Variants in NEK6 observed in about 807,000 individuals in gnomAD.
NEK6 encodes the protein serine/threonine-protein kinase Nek6.
In NEK6, 27 loss-of-function variants were observed where a neutral mutation model predicts 43.5. That is an observed-to-expected ratio of 0.62 (90% CI 0.46 to 0.86). NEK6 has a LOEUF of 0.86. Ranked by LOEUF, NEK6 falls within the 40% of genes least tolerant of loss-of-function variation. The pLI is 0.00. For missense variants in NEK6, 318 were observed against 414.4 expected (o/e 0.77, Z 2.02); for synonymous variants, 167 against 164.1 (o/e 1.02, Z -0.14).
At chr9:124,288,998 T>C (rs888380547) in intron 1 of NEK6, among the ~76,000 whole-genome samples, 2 of 152,150 alleles carry the variant, frequency 1.3e-5, no homozygotes, top group Non-Finnish European at 2.9e-5. Context: ...TTTGTTTTTT[T>C]AGAAAGAGGG....
chr9:124,295,600 G>A (rs944770614), intron 1 of NEK6, among the ~76,000 whole-genome samples: 6 of 152,204 alleles, frequency 3.9e-5, no homozygotes, highest in African/African-American at 1.4e-4. Context: ...CACTCAACCT[G>A]TCTGAACTTT....
At chr9:124,292,875 A>G in intron 1 of NEK6, 1 of 1,461,716 alleles carries the variant, frequency 6.8e-7, no homozygotes, top group Non-Finnish European at 9.1e-7. Flanking sequence ...AATTAGAGAC[A>G]GCACGGGGGA....
intron 1 of NEK6, among the ~76,000 whole-genome samples, chr9:124,272,447 G>C (rs1225519969): frequency 1.3e-5 from 2 of 152,238 alleles, no homozygotes; most frequent in Non-Finnish European, 2.9e-5. Flanking sequence ...CTGGGACAGC[G>C]TGGTGGCCCA....
At chr9:124,282,685 A>G (rs1455515705) in intron 1 of NEK6, among the ~76,000 whole-genome samples, 1 of 151,896 alleles carries the variant, frequency 6.6e-6, no homozygotes, top group Non-Finnish European at 1.5e-5. Flanking sequence ...GATCCCCCTG[A>G]CTCTCTGCAT....
intron 1 of NEK6, among the ~76,000 whole-genome samples, chr9:124,296,345 G>A (rs1832688679): frequency 6.6e-6 from 1 of 152,232 alleles, no homozygotes; most frequent in South Asian, 2.1e-4. Flanking sequence ...CAGAGGAGGG[G>A]CCTTGCTCAG....
In NEK6 at chr9:124,332,450, A is replaced by G. The variant is rs1321367713; in HGVS notation, c.622+5005A>G. 2.0e-5 allele frequency among the ~76,000 whole-genome samples: 3 copies of G among 152,332 alleles called. No homozygotes were observed. The East Asian group carries it at 5.8e-4, about 29-fold the overall frequency. On this transcript the variant is annotated intron_variant, in intron 7 of 9. Coordinates refer to ENST00000320246, the MANE Select transcript of NEK6 (RefSeq NM_014397.6). Reference sequence around the variant, plus strand: ...GCCAGGGAGTGGAGGAAGCAGGTGCAGCCCAGCCAGCTCCAGCTCCATGTC... The same window carrying G: ...GCCAGGGAGTGGAGGAAGCAGGTGCGGCCCAGCCAGCTCCAGCTCCATGTC...
chr9:124,324,383 C>T lies in NEK6; in HGVS notation c.406-1947C>T, dbSNP rs1353207474. ...ATTGTGTCCCGAGAGCCTGCAGCCT[C>T]AAGGGCTGAGCTGCGCCATCACAGC... On this transcript the variant is annotated intron_variant, in intron 5 of 9. Coordinates refer to ENST00000320246, the MANE Select transcript of NEK6 (RefSeq NM_014397.6). The surrounding 1 kb of genome is among the most constrained non-coding windows in gnomAD (Gnocchi z 5.3). Among the ~76,000 whole-genome samples the T allele has an allele frequency of 6.6e-6, 1 of 152,330 alleles. No homozygotes were observed. Among genetic ancestry groups the T allele is most frequent in the South Asian group, 2.1e-4 (1 of 4,834 alleles).
At chr9:124,308,434 C>T (rs146979010) in intron 2 of NEK6, among the ~76,000 whole-genome samples, 20 of 152,090 alleles carry the variant, frequency 1.3e-4, no homozygotes, top group Non-Finnish European at 2.4e-4. Context: ...GGTGGATCAC[C>T]TGAGGTCAGG....
Position 124,258,057 on chromosome 9 carries a change from C to A in NEK6, c.-58C>A. On this transcript the variant is annotated 5_prime_UTR_variant, in exon 1 of 10. Transcript: ENST00000320246. ...CCCGCGGGCCAGCGCACCGGTCCCC[C>A]AGCGGCAGCCGAGCCCGCCCGCGCG... The A allele has an allele frequency of 1.0e-6, 1 of 979,234 alleles. No homozygotes were observed. Among genetic ancestry groups the A allele is most frequent in the Non-Finnish European group, 1.2e-6 (1 of 827,544 alleles). 60.7% of individuals were successfully genotyped at this position (979,234 alleles called of 1,614,324 possible).
chr9:124,270,203 G>A (rs1432575731), intron 1 of NEK6, among the ~76,000 whole-genome samples: 1 of 152,318 alleles, frequency 6.6e-6, no homozygotes, highest in South Asian at 2.1e-4. Context: ...CTCAAGCACA[G>A]AGGCCTCGAA....
intron 3 of NEK6, 64 bp from the exon 4 acceptor site, chr9:124,313,859 G>T: frequency 6.4e-7 from 1 of 1,560,180 alleles, no homozygotes; most frequent in Admixed American, 1.7e-5. Context: ...AGACCCCGTG[G>T]CCTCCTTTGG....
chr9:124,324,600 C>T lies in NEK6; in HGVS notation c.406-1730C>T, dbSNP rs1306360010. On this transcript the variant is annotated intron_variant, in intron 5 of 9. Coordinates refer to ENST00000320246, the MANE Select transcript of NEK6 (RefSeq NM_014397.6). The surrounding 1 kb of genome is among the most constrained non-coding windows in gnomAD (Gnocchi z 5.3). ...TAATGAGGATTCACTCACATCACAGCGTGAATAACATCCCGGCCTGGCCCG... is the reference window on the plus strand; with the variant it reads ...TAATGAGGATTCACTCACATCACAGTGTGAATAACATCCCGGCCTGGCCCG... Among the ~76,000 whole-genome samples, 1 of 152,204 alleles carries T rather than the reference C, an allele frequency of 6.6e-6. No individual in the cohort carries two copies. The highest frequency in any genetic ancestry group is 2.4e-5 in the African/African-American group (1 of 41,452).
chr9:124,303,297 C>T (rs1833089438), intron 2 of NEK6, among the ~76,000 whole-genome samples: 1 of 152,204 alleles, frequency 6.6e-6, no homozygotes, highest in South Asian at 2.1e-4. Context: ...CCCTCCTGAG[C>T]CATGGAGGGC....
chr9:124,332,582 G>A (rs887144109), intron 7 of NEK6, among the ~76,000 whole-genome samples: 5 of 152,316 alleles, frequency 3.3e-5, no homozygotes, highest in East Asian at 1.9e-4. Context: ...CAAGGAGACC[G>A]CATTTCTCCA....
intron 1 of NEK6, among the ~76,000 whole-genome samples, chr9:124,267,925 C>T (rs1831288318): frequency 6.6e-6 from 1 of 152,238 alleles, no homozygotes; most frequent in South Asian, 2.1e-4. Context: ...AGGTGAGACA[C>T]ATCATGGCCC....
rs552145522 is a variant in NEK6 at position 124,342,580 on chromosome 9, A to G, written c.717+2915A>G. Among the ~76,000 whole-genome samples, 50 of 152,340 alleles carry G rather than the reference A, an allele frequency of 3.3e-4. 1 individual carries two copies. In the South Asian group the frequency reaches 6.0e-3, roughly 18 times the overall value. On this transcript the variant is annotated intron_variant, in intron 8 of 9. Transcript: ENST00000320246. Reference sequence around the variant, plus strand: ...CCTGTCCACCAGCTGCAGGCCAAGCACGGGCACTTCTGCCCGCCTCCGGCA... The same window carrying G: ...CCTGTCCACCAGCTGCAGGCCAAGCGCGGGCACTTCTGCCCGCCTCCGGCA...
chr9:124,296,504 C>T (rs955367843), intron 1 of NEK6, among the ~76,000 whole-genome samples: 6 of 152,218 alleles, frequency 3.9e-5, no homozygotes, highest in African/African-American at 9.6e-5. Context: ...CAGAACGAGC[C>T]TGGTGGACAT....
At chr9:124,292,467 G>A in intron 1 of NEK6, 1 of 1,537,042 alleles carries the variant, frequency 6.5e-7, no homozygotes, top group Non-Finnish European at 8.7e-7. Context: ...AATTAGGGGA[G>A]GCCACGGGCT....
At chr9:124,313,329 A>G (rs1025507551) in intron 3 of NEK6, among the ~76,000 whole-genome samples, 2 of 151,922 alleles carry the variant, frequency 1.3e-5, no homozygotes, top group Non-Finnish European at 2.9e-5. Flanking sequence ...CTGGAGGAGT[A>G]GCAGGGTCCT....
Sources: gnomAD v4.1 joint callset for allele counts (sites outside exome capture counted in the v4.1 genomes callset) on GRCh38, gnomAD v4.1.1 for gene constraint, Gnocchi (gnomAD v3.1) non-coding constraint, MANE v1.5 for transcripts, NCBI Gene and HGNC (gene_info 2026-07-23, HGNC 2026-07-21) for gene names.